SESTD1: variants seen among roughly 807,000 people sequenced by gnomAD.
The protein encoded by SESTD1 is SEC14 domain and spectrin repeat-containing protein 1.
A neutral mutation model predicts 101.7 loss-of-function variants in SESTD1; 43 were observed. That is an observed-to-expected ratio of 0.42 (90% confidence interval 0.33 to 0.55). SESTD1 has a LOEUF of 0.55. Among genes scored for constraint, SESTD1 ranks in the 20% least tolerant of loss-of-function variants. The probability of loss-of-function intolerance (pLI) is 0.07; values close to 1 mark genes in which losing one functional copy is unlikely to be tolerated. For missense variants in SESTD1, 647 were observed against 815.1 expected, an observed-to-expected ratio of 0.79 and a Z score of 2.51; for synonymous variants, 283 against 286.8, an observed-to-expected ratio of 0.99 and a Z score of 0.13.
chr2:179,115,402 A>ATCATCT (rs2154393766), intron 15 of SESTD1, 146 bp from the exon 16 acceptor site: 3 of 604,740 alleles, frequency 5.0e-6, no homozygotes, highest in Non-Finnish European at 8.4e-6. Context: ...ATTACTACAA[A>ATCATCT]TCATCTGTGT....
At position 179,202,060 on chromosome 2, in the gene SESTD1, T is replaced by TC. The variant is rs2105510100; in HGVS notation, c.-25-10195_-25-10194insG. ...GTAAAGGGAAATTTAGGAAAGGAATTTTGTATGTGATTAAGTTGGTTATAA... is the reference window on the plus strand; with the variant it reads ...GTAAAGGGAAATTTAGGAAAGGAATTCTTGTATGTGATTAAGTTGGTTATAA... On this transcript the variant is annotated intron_variant, in intron 1 of 17. Transcript: ENST00000428443. Among the ~76,000 whole-genome samples the TC allele has an allele frequency of 1.5e-5, 2 of 131,886 alleles. 1 individual carries two copies. Among genetic ancestry groups the TC allele is most frequent in the Non-Finnish European group, 3.2e-5 (2 of 61,920 alleles). The allele number at this position is 131,886 out of a possible 152,430, so 86.5% of individuals were successfully genotyped here.
At chr2:179,147,431 G>A (rs1575442558) in intron 7 of SESTD1, among the ~76,000 whole-genome samples, 2 of 150,466 alleles carry the variant, frequency 1.3e-5, no homozygotes, top group Non-Finnish European at 1.5e-5. Flanking sequence ...GCGTGATCTC[G>A]ACTCACTACA....
At chr2:179,132,513 TC>T in intron 9 of SESTD1, 87 bp from the exon 10 acceptor site, 1 of 1,432,734 alleles carries the variant, frequency 7.0e-7, no homozygotes, top group East Asian at 2.5e-5. Context: ...CTCCCAAAGT[TC>T]CCCAATTATT....
In SESTD1 at chr2:179,106,534, C is replaced by A. The variant is rs535693839; in HGVS notation, c.*3365G>T. 6.6e-6 allele frequency: 1 copy of A among 152,236 alleles called. No homozygotes were observed. Among genetic ancestry groups the A allele is most frequent in the Admixed American group, 6.5e-5 (1 of 15,276 alleles). 9.4% of individuals were successfully genotyped at this position (152,236 alleles called of 1,614,324 possible). A position where few individuals can be genotyped will look rare whatever the true frequency, so the allele number is the denominator to read the frequency against. ...TTACTCATCACTGTTAGTAAGGTAACTTAATTGTCATGCTCACGCTAAGGA... is the reference window on the plus strand; with the variant it reads ...TTACTCATCACTGTTAGTAAGGTAAATTAATTGTCATGCTCACGCTAAGGA... On this transcript the variant is annotated 3_prime_UTR_variant, in exon 18 of 18. Coordinates refer to ENST00000428443, the MANE Select transcript of SESTD1 (RefSeq NM_178123.5).
chr2:179,255,564 T>C (rs576876278), intron 1 of SESTD1, among the ~76,000 whole-genome samples: 1 of 152,300 alleles, frequency 6.6e-6, no homozygotes, highest in African/African-American at 2.4e-5. Context: ...GAAGGCAAGT[T>C]TGAAGCTAGT....
In SESTD1 at chr2:179,215,127, ATAAG is replaced by A. The variant is rs1198170113; in HGVS notation, c.-25-23265_-25-23262del. Among the ~76,000 whole-genome samples, 3 of 135,208 alleles carry A rather than the reference ATAAG, an allele frequency of 2.2e-5. 1 individual carries two copies. The highest frequency in any genetic ancestry group is 2.0e-4 in the East Asian group (1 of 5,038). The allele number at this position is 135,208 out of a possible 152,430, so 88.7% of individuals were successfully genotyped here. A position where few individuals can be genotyped will look rare whatever the true frequency, so the allele number is the denominator to read the frequency against. ...TTCAAAAGCTAGCAGAAGGCAAGAA[ATAAG>A]TAAGATCAGAGCAGAACTGAAGGAG... On this transcript the variant is annotated intron_variant, in intron 1 of 17. Transcript: ENST00000428443.
At chr2:179,193,234 A>G (rs2046343742) in intron 1 of SESTD1, among the ~76,000 whole-genome samples, 1 of 152,252 alleles carries the variant, frequency 6.6e-6, no homozygotes, top group South Asian at 2.1e-4. Context: ...ATAATTTTAT[A>G]GCTTTTGAGT....
At chr2:179,247,160 A>C (rs573000373) in intron 1 of SESTD1, among the ~76,000 whole-genome samples, 1 of 151,946 alleles carries the variant, frequency 6.6e-6, no homozygotes, top group African/African-American at 2.4e-5. Context: ...AAATAATTGT[A>C]CATATTCACG....
At chr2:179,262,741 A>G (rs935058957) in intron 1 of SESTD1, among the ~76,000 whole-genome samples, 5 of 152,216 alleles carry the variant, frequency 3.3e-5, no homozygotes, top group African/African-American at 9.6e-5. Flanking sequence ...ATTTTTTAAA[A>G]AGGTCAAAAT....
chr2:179,199,356 A>C (rs1480375395), intron 1 of SESTD1, among the ~76,000 whole-genome samples: 1 of 152,210 alleles, frequency 6.6e-6, no homozygotes, highest in Admixed American at 6.5e-5. Context: ...ATGGATTCAC[A>C]GCTGAATTCT....
At chr2:179,138,715 C>CA (rs1166102922) in intron 9 of SESTD1, among the ~76,000 whole-genome samples, 1 of 151,126 alleles carries the variant, frequency 6.6e-6, no homozygotes, top group African/African-American at 2.4e-5. Flanking sequence ...AAATACACGC[C>CA]AAAAAAACAG....
chr2:179,218,624 T>C (rs1001490642), intron 1 of SESTD1, among the ~76,000 whole-genome samples: 7 of 152,220 alleles, frequency 4.6e-5, no homozygotes, highest in Non-Finnish European at 1.0e-4. Context: ...AAAGCCCTTC[T>C]ACAGTTAGGG....
At chr2:179,122,332 G>A (rs2044772005) in intron 12 of SESTD1, among the ~76,000 whole-genome samples, 2 of 152,140 alleles carry the variant, frequency 1.3e-5, no homozygotes, top group African/African-American at 4.8e-5. Context: ...TTAAAAAAGC[G>A]CATAAGCCTT....
At position 179,150,349 on chromosome 2, in the gene SESTD1, TA is replaced by T. The variant is rs553106299; in HGVS notation, c.483+928del. Among the ~76,000 whole-genome samples, 807 of 142,902 alleles carry T rather than the reference TA, an allele frequency of 5.6e-3. 3 individuals are homozygous for T. Among genetic ancestry groups the T allele is most frequent in the Middle Eastern group, 0.011 (3 of 282 alleles). 93.7% of individuals were successfully genotyped at this position (142,902 alleles called of 152,430 possible). A position where few individuals can be genotyped will look rare whatever the true frequency, so the allele number is the denominator to read the frequency against. ...GACGTTTGTTCTTTCAGTAGTTCAA[TA>T]AAAAAAAAAAATCAAATTACACAGA... On this transcript the variant is annotated intron_variant, in intron 6 of 17. Coordinates refer to ENST00000428443, the MANE Select transcript of SESTD1 (RefSeq NM_178123.5).
At chr2:179,193,372 G>A (rs1029804746) in intron 1 of SESTD1, among the ~76,000 whole-genome samples, 10 of 152,014 alleles carry the variant, frequency 6.6e-5, no homozygotes, top group Admixed American at 1.3e-4. Context: ...ATATTAGCCC[G>A]GCAAACAGAC....
intron 1 of SESTD1, among the ~76,000 whole-genome samples, chr2:179,243,937 T>TGC (rs2047191543): frequency 9.3e-6 from 1 of 107,774 alleles, no homozygotes; most frequent in Non-Finnish European, 1.9e-5. Flanking sequence ...TATATATATA[T>TGC]GTGTGTGTAT....
intron 1 of SESTD1, among the ~76,000 whole-genome samples, chr2:179,198,509 T>A (rs989377625): frequency 2.6e-5 from 4 of 152,154 alleles, no homozygotes; most frequent in African/African-American, 9.7e-5. Flanking sequence ...TACATTTTTT[T>A]CAGCACCACA....
At chr2:179,192,144 T>C (rs2046328617) in intron 1 of SESTD1, among the ~76,000 whole-genome samples, 1 of 152,162 alleles carries the variant, frequency 6.6e-6, no homozygotes, top group Non-Finnish European at 1.5e-5. Flanking sequence ...GTAGGCAAAA[T>C]CACAAGTGGT....
chr2:179,143,653 TC>T lies in SESTD1; in HGVS notation c.787del (p.Glu263LysfsTer12), dbSNP rs1395292319. ...GCGCTTGCTACGTTGCCTACAAACT[TC>T]CTGGTAGCGGGTATATTGCTCTCGG... Reference protein sequence around the residue: ...SLREQYTRYQEVCRQRSKRTQ... With the variant: ...SLREQYTRYQXVCRQRSKRTQ... On this transcript the variant is annotated frameshift_variant, in exon 9 of 18. Transcript: ENST00000428443. LOFTEE classifies it high-confidence loss of function. 6.2e-7 allele frequency: 1 copy of T among 1,613,874 alleles called. No individual in the cohort carries two copies. Among genetic ancestry groups the T allele is most frequent in the African/African-American group, 1.3e-5 (1 of 74,912 alleles).
Sources: gnomAD v4.1 joint callset for allele counts (sites outside exome capture counted in the v4.1 genomes callset) on GRCh38, gnomAD v4.1.1 for gene constraint, MANE v1.5 for transcripts, NCBI Gene and HGNC (gene_info 2026-07-23, HGNC 2026-07-21) for gene names.